The following VPS13B variants were observed in gnomAD, a reference collection of about 807,000 sequenced individuals.
The protein encoded by VPS13B is vacuolar protein sorting 13 homolog B, also known as intermembrane lipid transfer protein VPS13B.
Under a neutral mutation model 426.4 loss-of-function variants are expected in VPS13B, and 285 were observed. That is an observed-to-expected ratio of 0.67 (90% CI 0.61 to 0.74). The LOEUF (loss-of-function observed/expected upper bound fraction) is 0.74, where lower values mean the gene tolerates loss of function less well. Ranked by LOEUF, VPS13B falls within the 30% of genes least tolerant of loss-of-function variation. The pLI is 0.00. For missense variants in VPS13B, 4,537 were observed against 4,782.6 expected (o/e 0.95, Z 1.51); for synonymous variants, 1,676 against 1,676.4 (o/e 1.00, Z 0.01).
chr8:99,764,410 T>C (rs1288905234), intron 39 of VPS13B, among the ~76,000 whole-genome samples: 1 of 121,450 alleles, frequency 8.2e-6, no homozygotes, highest in East Asian at 2.1e-4. Flanking sequence ...AGAGAGATTC[T>C]TTTTTTTTTT....
intron 19 of VPS13B, among the ~76,000 whole-genome samples, chr8:99,344,207 G>A (rs1811408087): frequency 6.6e-6 from 1 of 152,268 alleles, no homozygotes; most frequent in South Asian, 2.1e-4. Flanking sequence ...GCATAATGAG[G>A]AAAGGATAGT....
rs572648700 is a variant in VPS13B, at chr8:99,684,867, G to A, written c.6047-14658G>A. Among the ~76,000 whole-genome samples, 19 of 152,292 alleles carry A rather than the reference G, an allele frequency of 1.2e-4. 1 individual carries two copies. The South Asian group carries it at 2.9e-3, about 23-fold the overall frequency. On this transcript the variant is annotated intron_variant, in intron 35 of 61. Coordinates refer to ENST00000357162, the MANE Select transcript of VPS13B (RefSeq NM_152564.5). ...CGCCCAGGCTGGAGTGCAGTGGCAC[G>A]ATCTTGGCTTACTGCAACCTTCACC...
intron 22 of VPS13B, among the ~76,000 whole-genome samples, chr8:99,440,999 T>C (rs1817652168): frequency 6.6e-6 from 1 of 152,102 alleles, no homozygotes; most frequent in African/African-American, 2.4e-5. Flanking sequence ...TTTTAAAGCA[T>C]AATTCTAAGT....
At chr8:99,134,842 T>G in intron 9 of VPS13B, 115 bp downstream of exon 9, 1 of 1,193,398 alleles carries the variant, frequency 8.4e-7, no homozygotes, top group Non-Finnish European at 1.2e-6. Flanking sequence ...TGTTTGTTTC[T>G]TATTTTAATA....
intron 27 of VPS13B, among the ~76,000 whole-genome samples, chr8:99,506,644 G>A (rs1159548354): frequency 6.6e-6 from 1 of 152,194 alleles, no homozygotes; most frequent in Non-Finnish European, 1.5e-5. Flanking sequence ...GATTACTTGA[G>A]CCCAGGAGTT....
Position 99,766,948 on chromosome 8 carries a change from C to T in VPS13B, c.7225C>T (p.Gln2409Ter). 1.2e-6 allele frequency: 2 copies of T among 1,613,730 alleles called. No individual in the cohort carries two copies. Among genetic ancestry groups the T allele is most frequent in the Non-Finnish European group, 1.7e-6 (2 of 1,179,910 alleles). ...TTGGAGAATTGTCTTGAACAGCAGT[C>T]AAAATGGAGCTGATGACCAAAGGTA... The part of the protein sequence containing the change: ...DLWRIVLNSS[Q>*]NGADDQSSAS... Residue 2409 changes from glutamine (Q) to a stop codon, truncating the protein, a stop_gained, in exon 40 of 62, where the codon CAA becomes TAA. Transcript: ENST00000357162. LOFTEE classifies it high-confidence loss of function.
At chr8:99,866,894 C>G (rs943184536) in intron 58 of VPS13B, among the ~76,000 whole-genome samples, 1 of 151,972 alleles carries the variant, frequency 6.6e-6, no homozygotes, top group Non-Finnish European at 1.5e-5. Flanking sequence ...AAGAGTGACC[C>G]TCACTCTTGA....
intron 22 of VPS13B, among the ~76,000 whole-genome samples, chr8:99,437,281 T>A (rs766931158): frequency 2.2e-4 from 34 of 152,124 alleles, no homozygotes; most frequent in Admixed American, 5.9e-4. Context: ...GTATATTACA[T>A]AAAATCATTA....
intron 31 of VPS13B, among the ~76,000 whole-genome samples, chr8:99,563,466 G>A (rs1159724605): frequency 6.6e-6 from 1 of 152,028 alleles, no homozygotes; most frequent in Admixed American, 6.6e-5. Context: ...TAAGCAAAAA[G>A]ATAAATTAAT....
At chr8:99,405,318 C>A (rs1815265377) in intron 21 of VPS13B, among the ~76,000 whole-genome samples, 1 of 152,164 alleles carries the variant, frequency 6.6e-6, no homozygotes, top group Non-Finnish European at 1.5e-5. Context: ...TTTCCCCGAA[C>A]CTTCATTCAC....
intron 20 of VPS13B, among the ~76,000 whole-genome samples, chr8:99,385,269 A>G (rs1284952416): frequency 6.6e-6 from 1 of 152,202 alleles, no homozygotes; most frequent in Non-Finnish European, 1.5e-5. Flanking sequence ...AGAACTAAGA[A>G]TTTTTGAGGC....
At chr8:99,692,056 A>G (rs1831695470) in intron 35 of VPS13B, among the ~76,000 whole-genome samples, 1 of 147,726 alleles carries the variant, frequency 6.8e-6, no homozygotes, top group Non-Finnish European at 1.5e-5. Flanking sequence ...GTCCTGAGTG[A>G]CCTACAAAGA....
At chr8:99,298,807 T>C (rs1820183750) in intron 19 of VPS13B, among the ~76,000 whole-genome samples, 1 of 152,216 alleles carries the variant, frequency 6.6e-6, no homozygotes, top group Non-Finnish European at 1.5e-5. Context: ...CCAAGTGTTA[T>C]TTTTTCATTT....
intron 17 of VPS13B, among the ~76,000 whole-genome samples, chr8:99,262,752 T>G (rs900093674): frequency 1.3e-5 from 2 of 151,154 alleles, no homozygotes; most frequent in African/African-American, 4.9e-5. Context: ...CCTGGCTGTT[T>G]GAATGTTTTG....
chr8:99,327,388 T>G (rs916137569), intron 19 of VPS13B, among the ~76,000 whole-genome samples: 5 of 152,194 alleles, frequency 3.3e-5, no homozygotes, highest in African/African-American at 1.2e-4. Context: ...ATAATTAATA[T>G]AGGTAGCCAG....
At chr8:99,522,607 CT>C (rs1397534480) in intron 30 of VPS13B, among the ~76,000 whole-genome samples, 1 of 151,918 alleles carries the variant, frequency 6.6e-6, no homozygotes, top group African/African-American at 2.4e-5. Context: ...TTGGGTGAGG[CT>C]CTCTGCTCTT....
chr8:99,559,433 C>T (rs372671156), intron 31 of VPS13B, among the ~76,000 whole-genome samples: 8 of 151,960 alleles, frequency 5.3e-5, no homozygotes, highest in Non-Finnish European at 7.4e-5. Context: ...TGTCTATTTT[C>T]GCTTTTGTTG....
At chr8:99,343,663 G>A (rs1222439042) in intron 19 of VPS13B, among the ~76,000 whole-genome samples, 3 of 152,036 alleles carry the variant, frequency 2.0e-5, no homozygotes, top group Non-Finnish European at 2.9e-5. Context: ...TATCCGAAAA[G>A]GAAATTAAGA....
intron 33 of VPS13B, among the ~76,000 whole-genome samples, chr8:99,603,299 C>T (rs550779212): frequency 8.1e-4 from 123 of 152,264 alleles, no homozygotes; most frequent in Non-Finnish European, 1.3e-3. Flanking sequence ...TCCAAGACCC[C>T]CAGTGGATGC....
Sources: allele counts gnomAD v4.1 joint callset (sites outside exome capture counted in the v4.1 genomes callset), GRCh38; gene constraint gnomAD v4.1.1; transcripts MANE v1.5; gene names NCBI Gene and HGNC (gene_info 2026-07-23, HGNC 2026-07-21).